The following METTL27 variants were observed in gnomAD, a reference collection of about 807,000 sequenced individuals.
METTL27 encodes the protein methyltransferase-like protein 27.
Under a neutral mutation model 24.5 loss-of-function variants are expected in METTL27, and 29 were observed. The ratio of observed to expected loss-of-function variants is 1.18; its 90% CI spans 0.88 to 1.61. METTL27 has a LOEUF of 1.61. METTL27 is among the 40% of genes most tolerant of loss of function. METTL27 has a pLI of 0.00. For missense variants in METTL27, 341 were observed against 324.3 expected, an observed-to-expected ratio of 1.05 and a Z score of -0.40; for synonymous variants, 138 against 146.8, an observed-to-expected ratio of 0.94 and a Z score of 0.43.
chr7:73,841,291 G>C, intron 2 of METTL27, 93 bp from the exon 3 acceptor site: 1 of 1,479,368 alleles, frequency 6.8e-7, no homozygotes, highest in Admixed American at 3.0e-5. Flanking sequence ...AGGCTAAGCT[G>C]TGTGTGTTGG....
Position 73,841,117 on chromosome 7 carries a change from C to T in METTL27, c.205G>A (p.Ala69Thr). The change falls in exon 3 of 6, where the codon GCC becomes ACC. Residue 69 changes from alanine to threonine, a missense_variant. Transcript: ENST00000297873. ...CCACAGGCCACGTCCAGGATCAGGG[C>T]ACTGTGGGGCGGGCCTGGAAGGGCT... ...TQALPGPPHSALILDVACGTG... is the reference protein window; with the variant it reads ...TQALPGPPHSTLILDVACGTG... 6.5e-7 allele frequency: 1 copy of T among 1,533,474 alleles called. No individual in the cohort carries two copies. Among genetic ancestry groups the T allele is most frequent in the Non-Finnish European group, 8.7e-7 (1 of 1,150,790 alleles). The allele number at this position is 1,533,474 out of a possible 1,614,324, so 95.0% of individuals were successfully genotyped here.
intron 2 of METTL27, 47 bp from the exon 3 acceptor site, chr7:73,841,245 G>A (rs1788347224): frequency 6.5e-7 from 1 of 1,539,736 alleles, no homozygotes; most frequent in African/African-American, 1.4e-5. Flanking sequence ...CCAGTGTTTG[G>A]GGGATCTCCC....
chr7:73,839,578 AC>A (rs1309716382), intron 5 of METTL27: 2 of 157,542 alleles, frequency 1.3e-5, no homozygotes, highest in African/African-American at 4.8e-5. Context: ...GAAGACTGAG[AC>A]CAGGAAAGAG....
intron 4 of METTL27, 125 bp from the exon 5 acceptor site, chr7:73,840,245 C>A: frequency 9.0e-6 from 13 of 1,451,348 alleles, no homozygotes; most frequent in Non-Finnish European, 1.2e-5. Context: ...GGACCCAGGT[C>A]CCCTAGAGGA....
chr7:73,835,371 G>C (rs971046835), intron 5 of METTL27, among the ~76,000 whole-genome samples: 1 of 144,054 alleles, frequency 6.9e-6, no homozygotes, highest in Non-Finnish European at 1.5e-5. Context: ...TTGCAGACTC[G>C]CGCCGCCACG....
In METTL27 at chr7:73,834,886, A is replaced by G. The variant is rs1554634742; in HGVS notation, c.595T>C (p.Trp199Arg). ...GCGGTCCACAGGCGGTCCACAGGCC[A>G]GGCCACCAGGCCTTCCCACATCCCA... ...QAGMWEGLVA[W>R]PVDRLWTAGS... is the part of the protein sequence containing the mutation. The change falls in exon 6 of 6, where the codon TGG becomes CGG. Residue 199 changes from tryptophan (W) to arginine (R), a missense_variant. Trp to Arg is a moderately radical substitution (Grantham distance 101, BLOSUM62 -3). Coordinates refer to ENST00000297873, the MANE Select transcript of METTL27 (RefSeq NM_152559.3). 3 of 1,614,094 alleles carry G rather than the reference A, an allele frequency of 1.9e-6. No homozygotes were observed. Among genetic ancestry groups the G allele is most frequent in the Non-Finnish European group, 2.5e-6 (3 of 1,180,014 alleles).
Position 73,842,021 on chromosome 7 carries a change from G to A in METTL27, c.120C>T (p.Asp40=). ...GCAAGGCCCCAAATGAGTTTACCTG[G>A]TCGTAGTCCGGAGCCCAGCGGTCAT... is the stretch of plus-strand genomic sequence containing the variant. The part of the protein sequence containing the change: ...HFYDRWAPDY[D]QDVATLLYRA... Residue 40 remains aspartate, a synonymous_variant, in exon 2 of 6, where the codon GAC becomes GAT. Coordinates refer to ENST00000297873, the MANE Select transcript of METTL27 (RefSeq NM_152559.3). The A allele has an allele frequency of 6.2e-7, 1 of 1,614,170 alleles. No individual in the cohort carries two copies. Among genetic ancestry groups the A allele is most frequent in the Non-Finnish European group, 8.5e-7 (1 of 1,180,012 alleles).
intron 5 of METTL27, among the ~76,000 whole-genome samples, chr7:73,836,071 G>A (rs1417032378): frequency 2.5e-4 from 38 of 152,010 alleles, no homozygotes; most frequent in Non-Finnish European, 4.9e-4. Context: ...CACCCCATCC[G>A]GGAGGGAGGT....
At chr7:73,842,186 C>A (rs1788386008) in intron 1 of METTL27, 42 bp from the exon 2 acceptor site, 2 of 1,568,364 alleles carry the variant, frequency 1.3e-6, no homozygotes, top group Admixed American at 1.9e-5. Context: ...CCACCTCAAT[C>A]GCCCATCCCC....
chr7:73,835,901 C>A (rs1366454468), intron 5 of METTL27, among the ~76,000 whole-genome samples: 1 of 149,458 alleles, frequency 6.7e-6, no homozygotes. Flanking sequence ...TCTGCCCGGC[C>A]GCAACCCCGT....
At chr7:73,837,877 T>A (rs541794185) in intron 5 of METTL27, among the ~76,000 whole-genome samples, 1 of 151,904 alleles carries the variant, frequency 6.6e-6, no homozygotes, top group African/African-American at 2.4e-5. Flanking sequence ...TGAGATAGGA[T>A]CTCACCCTAT....
intron 5 of METTL27, among the ~76,000 whole-genome samples, chr7:73,837,296 A>T (rs1788235608): frequency 9.5e-6 from 1 of 105,466 alleles, no homozygotes; most frequent in Non-Finnish European, 2.2e-5. Context: ...TAAATAAATA[A>T]ATAAATAAAT....
In METTL27 at chr7:73,834,822, G is replaced by A. The variant is rs782566521; in HGVS notation, c.659C>T (p.Ala220Val). 4 of 1,614,154 alleles carry A rather than the reference G, an allele frequency of 2.5e-6. No individual in the cohort carries two copies. Among genetic ancestry groups the A allele is most frequent in the Non-Finnish European group, 2.5e-6 (3 of 1,180,034 alleles). The change falls in exon 6 of 6, where the codon GCA becomes GTA. Residue 220 changes from alanine (A) to valine (V), a missense_variant. Transcript: ENST00000297873. ...AGATGAAGCCATCCTTGGCAGAGAT[G>A]CCGGATACCACCTCCAGCTCGGAGG... ...WLPPSWRWYP[A>V]SLPRMASSPA...
intron 5 of METTL27, among the ~76,000 whole-genome samples, chr7:73,837,337 A>G (rs1002643186): frequency 1.5e-4 from 21 of 144,296 alleles, no homozygotes; most frequent in Non-Finnish European, 2.9e-4. Context: ...TAAAAAGTCA[A>G]TCAATTAAAA....
chr7:73,840,250 A>G (rs970693202), intron 4 of METTL27, 130 bp from the exon 5 acceptor site: 11 of 1,444,730 alleles, frequency 7.6e-6, no homozygotes, highest in African/African-American at 1.4e-5. Context: ...CAGGTCCCCT[A>G]GAGGATAAGG....
At chr7:73,842,192 T>A (rs1554636645) in intron 1 of METTL27, 48 bp from the exon 2 acceptor site, 1 of 1,555,590 alleles carries the variant, frequency 6.4e-7, no homozygotes, top group Admixed American at 2.0e-5. Context: ...CAATCGCCCA[T>A]CCCCTCCTTT....
chr7:73,836,170 G>C (rs1330626768), intron 5 of METTL27, among the ~76,000 whole-genome samples: 1 of 131,092 alleles, frequency 7.6e-6, no homozygotes, highest in Non-Finnish European at 1.7e-5. Flanking sequence ...GCCCATCCGG[G>C]AGGGAGGTAG....
chr7:73,841,872 G>T, intron 2 of METTL27, 146 bp downstream of exon 2: 1 of 1,332,348 alleles, frequency 7.5e-7, no homozygotes. Flanking sequence ...CTGTGGGGCG[G>T]GTTCTGGAAG....
At chr7:73,839,840 A>T in intron 5 of METTL27, 191 bp downstream of exon 5, 2 of 518,010 alleles carry the variant, frequency 3.9e-6, no homozygotes, top group Non-Finnish European at 6.7e-6. Flanking sequence ...CGAGCTGGCC[A>T]CCTGTCTGCC....
Sources: gnomAD v4.1 joint callset for allele counts (sites outside exome capture counted in the v4.1 genomes callset) on GRCh38, gnomAD v4.1.1 for gene constraint, MANE v1.5 for transcripts, NCBI Gene and HGNC (gene_info 2026-07-23, HGNC 2026-07-21) for gene names.